C12orf54: variants seen among roughly 807,000 people sequenced by gnomAD.
The protein encoded by C12orf54 is chromosome 12 open reading frame 54, also known as uncharacterized protein C12orf54.
C12orf54 carries 24 observed loss-of-function variants against 26.4 expected under a neutral mutation model. The ratio of observed to expected loss-of-function variants is 0.91; its 90% CI spans 0.66 to 1.28. The LOEUF (loss-of-function observed/expected upper bound fraction) is 1.28, where lower values mean the gene tolerates loss of function less well. C12orf54 is among the 50% of genes most tolerant of loss of function. C12orf54 has a pLI of 0.00. For synonymous variants in C12orf54, 54 were observed against 47.0 expected, an observed-to-expected ratio of 1.15 and a Z score of -0.61; for missense variants, 154 against 150.9, an observed-to-expected ratio of 1.02 and a Z score of -0.11.
the C12orf54 span, among the ~76,000 whole-genome samples, chr12:48,434,359 C>T: frequency 6.6e-6 from 1 of 152,204 alleles, no homozygotes; most frequent in Non-Finnish European, 1.5e-5. Flanking sequence ...AAACAAAAGA[C>T]AGCAATAACC....
chr12:48,417,685 G>A, the C12orf54 span, among the ~76,000 whole-genome samples: 1 of 152,154 alleles, frequency 6.6e-6, no homozygotes, highest in Non-Finnish European at 1.5e-5. Flanking sequence ...CATCACCAAG[G>A]TAGTGAGTGT....
the C12orf54 span, among the ~76,000 whole-genome samples, chr12:48,414,759 C>T: frequency 6.6e-6 from 1 of 152,178 alleles, no homozygotes; most frequent in East Asian, 1.9e-4. Flanking sequence ...GCATCCACTC[C>T]TGCCACTTTT....
the C12orf54 span, among the ~76,000 whole-genome samples, chr12:48,476,115 T>G: frequency 1.3e-5 from 2 of 152,180 alleles, no homozygotes; most frequent in African/African-American, 4.8e-5. Flanking sequence ...GAAAAGAATT[T>G]TCAACCCAGA....
chr12:48,473,183 T>G, the C12orf54 span: 157 of 1,408,098 alleles, frequency 1.1e-4, no homozygotes, highest in Admixed American at 1.9e-4. Flanking sequence ...AGGAGGAGGA[T>G]GAGGATGAGG....
the C12orf54 span, among the ~76,000 whole-genome samples, chr12:48,423,844 C>G: frequency 6.6e-6 from 1 of 152,014 alleles, no homozygotes; most frequent in South Asian, 2.1e-4. Flanking sequence ...TCTTGCCTTA[C>G]TATACTGGCC....
chr12:48,478,154 T>C (rs998811426), upstream of C12orf54, among the ~76,000 whole-genome samples: 6 of 152,178 alleles, frequency 3.9e-5, no homozygotes, highest in Admixed American at 3.9e-4. Flanking sequence ...AACCACATGA[T>C]TATCTCAATA....
the C12orf54 span, among the ~76,000 whole-genome samples, chr12:48,435,221 A>G: frequency 6.6e-6 from 1 of 152,200 alleles, no homozygotes; most frequent in South Asian, 2.1e-4. Context: ...AAAAAGAATA[A>G]AAAGAAACAA....
Position 48,483,234 on chromosome 12 carries a change from C to A in C12orf54, c.-57-6C>A. 1 of 1,484,970 alleles carries A rather than the reference C, an allele frequency of 6.7e-7. No homozygotes were observed. The highest frequency in any genetic ancestry group is 2.3e-5 in the East Asian group (1 of 44,230). The allele number at this position is 1,484,970 out of a possible 1,614,324, so 92.0% of individuals were successfully genotyped here. On this transcript the variant is annotated splice_region_variant and splice_polypyrimidine_tract_variant and intron_variant, in intron 1 of 8. Coordinates refer to ENST00000548364, the MANE Select transcript of C12orf54 (RefSeq NM_152319.4). ...CTTCTCCGCATATTCATTTATGCCTCTCCAGGGCCTGGAGCTATCTCCATC... is the reference window on the plus strand; with the variant it reads ...CTTCTCCGCATATTCATTTATGCCTATCCAGGGCCTGGAGCTATCTCCATC...
chr12:48,469,144 C>G, the C12orf54 span, among the ~76,000 whole-genome samples: 1 of 152,212 alleles, frequency 6.6e-6, no homozygotes, highest in African/African-American at 2.4e-5. Context: ...AACATCTTAA[C>G]AGGAAACAGG....
At chr12:48,449,474 A>G in the C12orf54 span, among the ~76,000 whole-genome samples, 8 of 152,180 alleles carry the variant, frequency 5.3e-5, no homozygotes, top group South Asian at 2.1e-4. Flanking sequence ...ATGAGAATTT[A>G]TGGTTTGTAG....
chr12:48,484,574 T>C (rs1004902531), intron 2 of C12orf54, among the ~76,000 whole-genome samples: 1 of 152,204 alleles, frequency 6.6e-6, no homozygotes, highest in Non-Finnish European at 1.5e-5. Flanking sequence ...TTACAAATGC[T>C]TTCATATAAT....
chr12:48,474,447 A>T, the C12orf54 span, among the ~76,000 whole-genome samples: 2 of 152,198 alleles, frequency 1.3e-5, no homozygotes, highest in Non-Finnish European at 2.9e-5. Flanking sequence ...GCGAGGCATC[A>T]TCTCACCCAG....
In C12orf54 at chr12:48,496,265, G is replaced by A. The variant is rs1937910844; in HGVS notation, c.*125G>A. 1 of 152,650 alleles carries A rather than the reference G, an allele frequency of 6.6e-6. No individual in the cohort carries two copies. The highest frequency in any genetic ancestry group is 6.5e-5 in the Admixed American group (1 of 15,286). 9.5% of individuals were successfully genotyped at this position (152,650 alleles called of 1,614,324 possible). Reference sequence around the variant, plus strand: ...GGTGCCCATGAGTGGAGATGCCAGGGTCTATGGCTGAAACTGGGAACTTGG... The same window carrying A: ...GGTGCCCATGAGTGGAGATGCCAGGATCTATGGCTGAAACTGGGAACTTGG... On this transcript the variant is annotated 3_prime_UTR_variant, in exon 9 of 9. Transcript: ENST00000548364.
At chr12:48,430,559 C>T in the C12orf54 span, among the ~76,000 whole-genome samples, 1 of 152,098 alleles carries the variant, frequency 6.6e-6, no homozygotes, top group Non-Finnish European at 1.5e-5. Context: ...TAATGCTCAA[C>T]TAATGATCAG....
chr12:48,448,852 C>T, the C12orf54 span, among the ~76,000 whole-genome samples: 1 of 152,134 alleles, frequency 6.6e-6, no homozygotes, highest in Non-Finnish European at 1.5e-5. Flanking sequence ...CTCAGGGGAT[C>T]CTGAGAACAT....
the C12orf54 span, among the ~76,000 whole-genome samples, chr12:48,456,733 A>C: frequency 6.6e-6 from 1 of 152,226 alleles, no homozygotes; most frequent in Middle Eastern, 3.4e-3. Flanking sequence ...GTTATTATTA[A>C]TATATTTCCC....
At chr12:48,486,320 G>GC in intron 3 of C12orf54, 112 bp downstream of exon 3, 2 of 1,140,556 alleles carry the variant, frequency 1.8e-6, no homozygotes, top group Non-Finnish European at 2.6e-6. Context: ...CCTGACAAGG[G>GC]ACAGGGTGCC....
At chr12:48,444,416 G>A in the C12orf54 span, among the ~76,000 whole-genome samples, 1 of 152,144 alleles carries the variant, frequency 6.6e-6, no homozygotes, top group Non-Finnish European at 1.5e-5. Flanking sequence ...GTCTCCAGAT[G>A]GAGCCCCATT....
upstream of C12orf54, among the ~76,000 whole-genome samples, chr12:48,480,121 A>T (rs1954183598): frequency 6.6e-6 from 1 of 152,208 alleles, no homozygotes; most frequent in Non-Finnish European, 1.5e-5. Flanking sequence ...AAAAACACAA[A>T]TATCCAAACA....
Sources: gnomAD v4.1 joint callset for allele counts (sites outside exome capture counted in the v4.1 genomes callset) on GRCh38, gnomAD v4.1.1 for gene constraint, MANE v1.5 for transcripts, NCBI Gene and HGNC (gene_info 2026-07-23, HGNC 2026-07-21) for gene names.